The following AP1S3 variants were observed in gnomAD, a reference collection of about 807,000 sequenced individuals.
AP1S3 encodes the protein AP-1 complex subunit sigma-3.
Under a neutral mutation model 20.9 loss-of-function variants are expected in AP1S3, and 10 were observed. The ratio of observed to expected loss-of-function variants is 0.48; its 90% confidence interval spans 0.29 to 0.81. The LOEUF (loss-of-function observed/expected upper bound fraction) is 0.81. Among genes scored for constraint, AP1S3 ranks in the 30% least tolerant of loss-of-function variants. The pLI is 0.08. For missense variants in AP1S3, 154 were observed against 183.8 expected (o/e 0.84, Z 0.94); for synonymous variants, 41 against 61.5 (o/e 0.67, Z 1.56).
At chr2:223,836,737 A>C (rs1692409844) in intron 1 of AP1S3, among the ~76,000 whole-genome samples, 1 of 152,146 alleles carries the variant, frequency 6.6e-6, no homozygotes, top group African/African-American at 2.4e-5. Context: ...CAAAAAAACA[A>C]AAGTGCACAA....
At chr2:223,800,225 A>G (rs1559138308) in intron 1 of AP1S3, among the ~76,000 whole-genome samples, 1 of 151,946 alleles carries the variant, frequency 6.6e-6, no homozygotes, top group Non-Finnish European at 1.5e-5. Flanking sequence ...AAAAAAAAAA[A>G]AAAAGAAAAA....
rs1401757660 is a variant in AP1S3 at position 223,756,334 on chromosome 2, A to G, written c.*2381T>C. 3 of 266,210 alleles carry G rather than the reference A, an allele frequency of 1.1e-5. No homozygotes were observed. The highest frequency in any genetic ancestry group is 7.1e-5 in the African/African-American group (3 of 42,472). The allele number at this position is 266,210 out of a possible 1,614,324, so 16.5% of individuals were successfully genotyped here. A position where few individuals can be genotyped will look rare whatever the true frequency, so the allele number is the denominator to read the frequency against. ...CCTGGGTGACAAGAAGCGAGGAAAGAAAAGAAAGAAAAGAAAAGAAAAGAG... is the reference window on the plus strand; with the variant it reads ...CCTGGGTGACAAGAAGCGAGGAAAGGAAAGAAAGAAAAGAAAAGAAAAGAG... On this transcript the variant is annotated 3_prime_UTR_variant, in exon 5 of 5. Transcript: ENST00000396654.
Position 223,761,764 on chromosome 2 carries a change from A to G in AP1S3, c.430-3014T>C, listed in dbSNP as rs6736232. Among the ~76,000 whole-genome samples, 1,499 of 151,792 alleles carry G rather than the reference A, an allele frequency of 9.9e-3. 25 individuals are homozygous for G. Among genetic ancestry groups the G allele is most frequent in the African/African-American group, 0.033 (1,365 of 41,366 alleles). On this transcript the variant is annotated intron_variant, in intron 4 of 4. Transcript: ENST00000396654. ...TTTCTGTAGAGACAAGGTTCTCACTATGTTGCCTAGGCTGATCTCAAACTC... is the reference window on the plus strand; with the variant it reads ...TTTCTGTAGAGACAAGGTTCTCACTGTGTTGCCTAGGCTGATCTCAAACTC...
At chr2:223,787,194 A>G (rs1433798017) in intron 1 of AP1S3, among the ~76,000 whole-genome samples, 5 of 152,270 alleles carry the variant, frequency 3.3e-5, no homozygotes, top group Admixed American at 1.3e-4. Flanking sequence ...GCCTTCAACC[A>G]TGATTGTAAG....
chr2:223,772,692 T>G (rs1309992178), intron 3 of AP1S3, among the ~76,000 whole-genome samples: 1 of 152,168 alleles, frequency 6.6e-6, no homozygotes, highest in Non-Finnish European at 1.5e-5. Flanking sequence ...AGCCAGAGAT[T>G]TTGATCCGTC....
At chr2:223,812,044 T>C (rs925690475) in intron 1 of AP1S3, among the ~76,000 whole-genome samples, 4 of 152,238 alleles carry the variant, frequency 2.6e-5, no homozygotes, top group Non-Finnish European at 5.9e-5. Context: ...GATAACCATA[T>C]ATTCTTCAAA....
intron 2 of AP1S3, among the ~76,000 whole-genome samples, chr2:223,776,969 C>A (rs1468468411): frequency 6.6e-6 from 1 of 152,232 alleles, no homozygotes; most frequent in South Asian, 2.1e-4. Flanking sequence ...CTCTGTCATA[C>A]TAACCTCCAG....
intron 1 of AP1S3, among the ~76,000 whole-genome samples, chr2:223,790,695 T>C (rs1124705): frequency 0.12 from 17,864 of 152,224 alleles, 1,338 homozygotes; most frequent in East Asian, 0.25. Flanking sequence ...TACACACATA[T>C]GTTATAAAGT....
chr2:223,780,276 A>AATATATATATATAT (rs138804582), intron 1 of AP1S3, among the ~76,000 whole-genome samples: 3 of 24,386 alleles, frequency 1.2e-4, no homozygotes, highest in African/African-American at 1.6e-4. Context: ...ATGCCTGGCT[A>AATATATATATATAT]ATATATATAT....
intron 1 of AP1S3, among the ~76,000 whole-genome samples, chr2:223,826,056 A>T (rs1348308124): frequency 6.6e-6 from 1 of 152,180 alleles, no homozygotes; most frequent in Non-Finnish European, 1.5e-5. Flanking sequence ...ATACCCTGAA[A>T]CAGTATTATT....
intron 1 of AP1S3, among the ~76,000 whole-genome samples, chr2:223,832,807 C>CTTTTTTTT (rs66947467): frequency 1.5e-5 from 2 of 129,946 alleles, no homozygotes; most frequent in Non-Finnish European, 3.2e-5. Flanking sequence ...TTTCTTTTTT[C>CTTTTTTTT]TTTTTTTTTT....
At chr2:223,788,031 G>T (rs1025313121) in intron 1 of AP1S3, among the ~76,000 whole-genome samples, 1 of 151,696 alleles carries the variant, frequency 6.6e-6, no homozygotes, top group Non-Finnish European at 1.5e-5. Flanking sequence ...ATCTCGGCTC[G>T]CCCAGGTTCA....
chr2:223,785,824 G>T lies in AP1S3; in HGVS notation c.4-7955C>A, dbSNP rs749122226. Among the ~76,000 whole-genome samples, 79 of 152,162 alleles carry T rather than the reference G, an allele frequency of 5.2e-4. 2 individuals are homozygous for T. The highest frequency in any genetic ancestry group is 7.3e-5 in the Non-Finnish European group (5 of 68,032). On this transcript the variant is annotated intron_variant, in intron 1 of 4. Coordinates refer to ENST00000396654, the MANE Select transcript of AP1S3 (RefSeq NM_001039569.2). ...CAAATAGTCAGTATGATACTATAAT[G>T]GTGGATCCGTGTCATTATAAATTTG...
At chr2:223,832,131 C>CTGTGTGTGTG (rs1339727568) in intron 1 of AP1S3, among the ~76,000 whole-genome samples, 14 of 114,740 alleles carry the variant, frequency 1.2e-4, no homozygotes, top group African/African-American at 5.3e-4. Context: ...AAGGAGTTTT[C>CTGTGTGTGTG]TCTCTGTGTG....
At chr2:223,809,019 G>A (rs1217204294) in intron 1 of AP1S3, among the ~76,000 whole-genome samples, 2 of 152,252 alleles carry the variant, frequency 1.3e-5, no homozygotes, top group Admixed American at 1.3e-4. Context: ...AAATGGACTG[G>A]CTGGGGAAGT....
chr2:223,776,547 C>T (rs28521656), intron 2 of AP1S3, among the ~76,000 whole-genome samples: 44,274 of 152,026 alleles, frequency 0.29, 10,267 homozygotes, highest in African/African-American at 0.61. Flanking sequence ...TTTTTCCCAA[C>T]GAGCTTTATA....
At chr2:223,788,458 C>T (rs1304639035) in intron 1 of AP1S3, among the ~76,000 whole-genome samples, 1 of 150,530 alleles carries the variant, frequency 6.6e-6, no homozygotes, top group African/African-American at 2.4e-5. Flanking sequence ...ACTAAAACTA[C>T]AAAAATTAGC....
At chr2:223,808,733 C>T (rs143334986) in intron 1 of AP1S3, among the ~76,000 whole-genome samples, 1 of 152,186 alleles carries the variant, frequency 6.6e-6, no homozygotes, top group Non-Finnish European at 1.5e-5. Context: ...TGGCTGGGCA[C>T]AGAAGCTCAC....
chr2:223,836,877 A>C (rs1692414012), intron 1 of AP1S3, among the ~76,000 whole-genome samples: 1 of 152,124 alleles, frequency 6.6e-6, no homozygotes, highest in Non-Finnish European at 1.5e-5. Context: ...CTCCTGCCAC[A>C]AACAAGGCCT....
Sources: gnomAD v4.1 joint callset for allele counts (sites outside exome capture counted in the v4.1 genomes callset) on GRCh38, gnomAD v4.1.1 for gene constraint, MANE v1.5 for transcripts, NCBI Gene and HGNC (gene_info 2026-07-23, HGNC 2026-07-21) for gene names.